SRRM3: variants seen among roughly 807,000 people sequenced by gnomAD.
The protein encoded by SRRM3 is serine/arginine repetitive matrix 3.
SRRM3 carries 27 observed loss-of-function variants against 66.2 expected under a neutral mutation model. That is an observed-to-expected ratio of 0.41 (90% confidence interval 0.30 to 0.56). SRRM3 has a LOEUF of 0.56. Ranked by LOEUF, SRRM3 falls within the 20% of genes least tolerant of loss-of-function variation. The pLI is 0.32. For missense variants in SRRM3, 918 were observed against 991.9 expected, an observed-to-expected ratio of 0.93 and a Z score of 1.00; for synonymous variants, 391 against 414.9, an observed-to-expected ratio of 0.94 and a Z score of 0.70.
At chr7:76,218,344 C>T (rs1168716540) in intron 1 of SRRM3, among the ~76,000 whole-genome samples, 2 of 152,188 alleles carry the variant, frequency 1.3e-5, no homozygotes, top group East Asian at 1.9e-4. Flanking sequence ...CACCTGCCAT[C>T]GGTGACAGCT....
intron 2 of SRRM3, 107 bp downstream of exon 2, chr7:76,235,406 AGGGCGGGGCTAG>A: frequency 1.1e-6 from 1 of 905,094 alleles, no homozygotes; most frequent in Non-Finnish European, 1.6e-6. Context: ...GGCGGGGAGA[AGGGCGGGGCTAG>A]GGGCTATTAG....
chr7:76,256,913 TG>T (rs1554607769), intron 3 of SRRM3, among the ~76,000 whole-genome samples: 1 of 152,070 alleles, frequency 6.6e-6, no homozygotes, highest in Admixed American at 6.6e-5. Flanking sequence ...TTCTCCATGT[TG>T]GGTCAGGCTG....
intron 2 of SRRM3, among the ~76,000 whole-genome samples, chr7:76,242,864 G>T (rs1583900780): frequency 1.3e-5 from 2 of 152,174 alleles, no homozygotes; most frequent in Non-Finnish European, 2.9e-5. Flanking sequence ...GTGATAGGGA[G>T]CAGCTATAAA....
intron 1 of SRRM3, among the ~76,000 whole-genome samples, chr7:76,229,389 G>T (rs547091579): frequency 2.6e-5 from 4 of 152,238 alleles, no homozygotes; most frequent in Admixed American, 6.5e-5. Context: ...GGCAATGCTA[G>T]CTAAACATCA....
In SRRM3 at chr7:76,281,812, C is replaced by A; in HGVS notation, c.1370+10C>A. 1 of 1,355,646 alleles carries A rather than the reference C, an allele frequency of 7.4e-7. No homozygotes were observed. The highest frequency in any genetic ancestry group is 9.5e-7 in the Non-Finnish European group (1 of 1,054,174). 84.0% of individuals were successfully genotyped at this position (1,355,646 alleles called of 1,614,324 possible). A position where few individuals can be genotyped will look rare whatever the true frequency, so the allele number is the denominator to read the frequency against. ...GCGGACACGGGAAACGGTGAGCGTG[C>A]TGGACCCGGAGCTGGACTCCCGCCC... On this transcript the variant is annotated intron_variant, in intron 12 of 14. Transcript: ENST00000611745.
At chr7:76,282,134 C>T (rs1209090634) in intron 12 of SRRM3, among the ~76,000 whole-genome samples, 1 of 150,440 alleles carries the variant, frequency 6.6e-6, no homozygotes, top group East Asian at 2.0e-4. Context: ...TCACAGGGCT[C>T]CCTCCCTCGA....
chr7:76,276,790 TGA>T (rs1285166004), intron 11 of SRRM3, among the ~76,000 whole-genome samples: 1 of 152,112 alleles, frequency 6.6e-6, no homozygotes, highest in African/African-American at 2.4e-5. Flanking sequence ...GAGAAGGACA[TGA>T]GAGGTGCCTT....
intron 14 of SRRM3, chr7:76,283,694 T>C: frequency 1.1e-6 from 1 of 887,908 alleles, no homozygotes; most frequent in Non-Finnish European, 1.6e-6. Flanking sequence ...CACAGCAGTC[T>C]GGTCTCTGGG....
chr7:76,266,539 A>G (rs1802056392), intron 10 of SRRM3, among the ~76,000 whole-genome samples: 1 of 112,404 alleles, frequency 8.9e-6, no homozygotes, highest in South Asian at 2.3e-4. Context: ...TTTAATATAT[A>G]AATATTTATA....
At chr7:76,267,093 C>G (rs923201945) in intron 10 of SRRM3, among the ~76,000 whole-genome samples, 165 bp from the exon 11 acceptor site, 4 of 152,196 alleles carry the variant, frequency 2.6e-5, no homozygotes, top group African/African-American at 9.6e-5. Context: ...CTGGCTCACC[C>G]TGGTCAAGCC....
At chr7:76,246,277 A>G (rs1554606161) in intron 2 of SRRM3, among the ~76,000 whole-genome samples, 2 of 152,064 alleles carry the variant, frequency 1.3e-5, no homozygotes, top group East Asian at 3.9e-4. Context: ...GAAAAGTTGT[A>G]TAGTGGCCGG....
chr7:76,224,808 T>G (rs1487577033), intron 1 of SRRM3, among the ~76,000 whole-genome samples: 2 of 152,126 alleles, frequency 1.3e-5, no homozygotes, highest in African/African-American at 4.8e-5. Flanking sequence ...CATTTATTCA[T>G]TAAGATTAGT....
At chr7:76,281,413 G>T in intron 11 of SRRM3, 28 bp from the exon 12 acceptor site, 1 of 1,216,408 alleles carries the variant, frequency 8.2e-7, no homozygotes. Context: ...TCCCCCCTCC[G>T]TGCCCTGTCT....
rs1554612174 is a variant in SRRM3, at chr7:76,282,801, T to A, written c.1524T>A (p.Ser508=). 5 of 1,464,676 alleles carry A rather than the reference T, an allele frequency of 3.4e-6. No homozygotes were observed. In the South Asian group the frequency reaches 6.5e-5, roughly 19 times the overall value. The allele number at this position is 1,464,676 out of a possible 1,614,324, so 90.7% of individuals were successfully genotyped here. ...SWSSSRSPSK[S]RSRSAEKRPH... is the part of the protein sequence containing the mutation. ...GCTCCAGCCGCTCGCCCTCCAAATCTCGCTCGCGCTCTGCGGAGAAGCGGC... is the reference window on the plus strand; with the variant it reads ...GCTCCAGCCGCTCGCCCTCCAAATCACGCTCGCGCTCTGCGGAGAAGCGGC... Residue 508 remains serine (S), a synonymous_variant, in exon 13 of 15, where the codon TCT becomes TCA. Transcript: ENST00000611745.
intron 2 of SRRM3, among the ~76,000 whole-genome samples, chr7:76,235,531 A>G (rs1167798897): frequency 6.6e-6 from 1 of 152,130 alleles, no homozygotes; most frequent in Non-Finnish European, 1.5e-5. Flanking sequence ...CTCATCTTTC[A>G]TTTATGTATT....
intron 1 of SRRM3, among the ~76,000 whole-genome samples, chr7:76,212,303 C>A (rs1285151015): frequency 6.6e-6 from 1 of 151,202 alleles, no homozygotes; most frequent in Non-Finnish European, 1.5e-5. Flanking sequence ...TGCACGCCAC[C>A]ATGCCTGGCT....
chr7:76,268,068 C>G (rs959864700), intron 11 of SRRM3: 1 of 151,884 alleles, frequency 6.6e-6, no homozygotes, highest in Admixed American at 6.6e-5. Context: ...CTCAAACCTG[C>G]CGGCTCCTCT....
intron 1 of SRRM3, among the ~76,000 whole-genome samples, chr7:76,226,144 T>C (rs1800860360): frequency 6.6e-6 from 1 of 152,226 alleles, no homozygotes; most frequent in Admixed American, 6.5e-5. Flanking sequence ...GCAGCTGACT[T>C]TCCGAAACAG....
At chr7:76,266,506 TATAA>T (rs1294632336) in intron 10 of SRRM3, among the ~76,000 whole-genome samples, 2 of 112,406 alleles carry the variant, frequency 1.8e-5, no homozygotes, top group African/African-American at 3.7e-5. Context: ...ATATTTAATA[TATAA>T]ATATTTATAT....
Sources: gnomAD v4.1 joint callset for allele counts (sites outside exome capture counted in the v4.1 genomes callset) on GRCh38, gnomAD v4.1.1 for gene constraint, MANE v1.5 for transcripts, NCBI Gene and HGNC (gene_info 2026-07-23, HGNC 2026-07-21) for gene names.